ENPP1: variants seen among roughly 807,000 people sequenced by gnomAD.
ENPP1 encodes ectonucleotide pyrophosphatase/phosphodiesterase family member 1.
A neutral mutation model predicts 122.8 loss-of-function variants in ENPP1; 73 were observed. The ratio of observed to expected loss-of-function variants is 0.59; its 90% confidence interval spans 0.49 to 0.72. ENPP1 has a LOEUF of 0.72. ENPP1 is among the 30% of genes least tolerant of loss of function. The probability of loss-of-function intolerance (pLI) is 0.00; values close to 1 mark genes in which losing one functional copy is unlikely to be tolerated. For synonymous variants in ENPP1, 367 were observed against 391.6 expected (o/e 0.94, Z 0.74); for missense variants, 978 against 1,128.1 (o/e 0.87, Z 1.91).
chr6:131,808,146 C>G lies in ENPP1; in HGVS notation c.111C>G (p.Ala37=), dbSNP rs1229874710. The change falls in exon 1 of 25, where the codon GCC becomes GCG. Residue 37 remains alanine, a synonymous_variant. Transcript: ENST00000647893. ...NGRDRGRSHA[A]EAPGDPQAAA... ...GCGATCGGGGCCGCAGCCACGCTGC[C>G]GAGGCGCCCGGGGACCCGCAGGCGG... The G allele has an allele frequency of 2.8e-6, 4 of 1,437,326 alleles. No homozygotes were observed. Among genetic ancestry groups the G allele is most frequent in the African/African-American group, 1.5e-5 (1 of 67,274 alleles). 89.0% of individuals were successfully genotyped at this position (1,437,326 alleles called of 1,614,324 possible). A position where few individuals can be genotyped will look rare whatever the true frequency, so the allele number is the denominator to read the frequency against.
chr6:131,855,780 A>C (rs541921799), intron 6 of ENPP1, among the ~76,000 whole-genome samples: 2 of 150,380 alleles, frequency 1.3e-5, no homozygotes, highest in East Asian at 3.9e-4. Context: ...TTAAATCCCA[A>C]TCAGGCCTTA....
intron 24 of ENPP1, among the ~76,000 whole-genome samples, chr6:131,886,979 G>A (rs1055653093): frequency 2.2e-5 from 3 of 138,716 alleles, no homozygotes; most frequent in Non-Finnish European, 4.6e-5. Flanking sequence ...GCCCAGGCTG[G>A]TCTTGAACTC....
Position 131,894,213 on chromosome 6 carries a change from C to G in ENPP1, c.*3702C>G, listed in dbSNP as rs566126665. ...TTGTGATCTGCCCGCCTCGGCCTCC[C>G]AAAGTGCTGGGATTACAGGCTCGAG... is the stretch of plus-strand genomic sequence containing the variant. On this transcript the variant is annotated 3_prime_UTR_variant, in exon 25 of 25. Transcript: ENST00000647893. 6.6e-6 allele frequency: 1 copy of G among 152,384 alleles called. No homozygotes were observed. The highest frequency in any genetic ancestry group is 2.4e-5 in the African/African-American group (1 of 41,462). The allele number at this position is 152,384 out of a possible 1,614,324, so 9.4% of individuals were successfully genotyped here.
At chr6:131,847,717 AATAAG>A (rs1390368135) in intron 1 of ENPP1, 54 bp from the exon 2 acceptor site, 1 of 1,230,330 alleles carries the variant, frequency 8.1e-7, no homozygotes, top group Non-Finnish European at 1.2e-6. Context: ...AAAAATAAAA[AATAAG>A]ATAAAATATT....
chr6:131,823,837 C>G (rs1781511630), intron 1 of ENPP1, among the ~76,000 whole-genome samples: 1 of 151,674 alleles, frequency 6.6e-6, no homozygotes, highest in South Asian at 2.1e-4. Context: ...TTGGGCAGGT[C>G]CCTTAACTTC....
At chr6:131,824,026 T>C (rs1258306870) in intron 1 of ENPP1, among the ~76,000 whole-genome samples, 2 of 151,342 alleles carry the variant, frequency 1.3e-5, no homozygotes, top group East Asian at 1.9e-4. Flanking sequence ...TTAACAAATA[T>C]GTAGAGTTTT....
chr6:131,887,997 A>G (rs1782410878), intron 24 of ENPP1, among the ~76,000 whole-genome samples: 1 of 149,182 alleles, frequency 6.7e-6, no homozygotes, highest in Non-Finnish European at 1.5e-5. Context: ...AATAGCTGGG[A>G]TTACAGGCAC....
At chr6:131,846,238 T>C (rs1253428176) in intron 1 of ENPP1, among the ~76,000 whole-genome samples, 3 of 152,112 alleles carry the variant, frequency 2.0e-5, no homozygotes, top group Non-Finnish European at 2.9e-5. Flanking sequence ...ATTCCTCCTG[T>C]CTCTATTATC....
At chr6:131,823,274 A>T (rs115929085) in intron 1 of ENPP1, among the ~76,000 whole-genome samples, 2,339 of 152,160 alleles carry the variant, frequency 0.015, 66 homozygotes, top group African/African-American at 0.054. Flanking sequence ...GGTAGGAGGG[A>T]GCAAATCTGT....
intron 7 of ENPP1, 140 bp downstream of exon 7, chr6:131,858,887 CT>C: frequency 1.4e-6 from 1 of 706,458 alleles, no homozygotes; most frequent in Non-Finnish European, 2.5e-6. Flanking sequence ...AGGTTCTGAT[CT>C]TTGCTCTGCC....
intron 18 of ENPP1, chr6:131,877,866 A>AAAAATATATATATAT (rs1562183349): frequency 3.8e-5 from 2 of 53,020 alleles, no homozygotes; most frequent in African/African-American, 1.9e-4. Context: ...AAAAAAAAAA[A>AAAAATATATATATAT]ATATATATAT....
At chr6:131,832,265 G>C (rs1160825108) in intron 1 of ENPP1, among the ~76,000 whole-genome samples, 1 of 151,966 alleles carries the variant, frequency 6.6e-6, no homozygotes, top group African/African-American at 2.4e-5. Flanking sequence ...CTGCAAATTA[G>C]GAGTGGACTT....
chr6:131,817,376 T>C (rs1167854828), intron 1 of ENPP1, among the ~76,000 whole-genome samples: 2 of 152,182 alleles, frequency 1.3e-5, no homozygotes, highest in East Asian at 1.9e-4. Flanking sequence ...TATTGAGATA[T>C]ATATGTGTCT....
chr6:131,892,844 C>G lies in ENPP1; in HGVS notation c.*2333C>G, dbSNP rs1402652887. ...TTGGTTGGAGTACAGCCTTTTTTAC[C>G]CTTGCTTGGCTACCCTTTTCTGGTC... On this transcript the variant is annotated 3_prime_UTR_variant, in exon 25 of 25. Transcript: ENST00000647893. The G allele has an allele frequency of 6.6e-6, 1 of 152,068 alleles. No individual in the cohort carries two copies. The highest frequency in any genetic ancestry group is 1.5e-5 in the Non-Finnish European group (1 of 68,036). 9.4% of individuals were successfully genotyped at this position (152,068 alleles called of 1,614,324 possible). A position where few individuals can be genotyped will look rare whatever the true frequency, so the allele number is the denominator to read the frequency against.
intron 24 of ENPP1, among the ~76,000 whole-genome samples, chr6:131,887,683 C>T (rs866713561): frequency 3.3e-5 from 5 of 149,582 alleles, no homozygotes; most frequent in Non-Finnish European, 7.4e-5. Context: ...CTCAGCCTCC[C>T]GAGTAGCTGG....
At chr6:131,834,371 G>A (rs957430418) in intron 1 of ENPP1, among the ~76,000 whole-genome samples, 2 of 152,124 alleles carry the variant, frequency 1.3e-5, no homozygotes, top group African/African-American at 4.8e-5. Flanking sequence ...AAATATAAAG[G>A]GCCTGCTGCA....
At position 131,864,529 on chromosome 6, in the gene ENPP1, T is replaced by A. The variant is rs1240840731; in HGVS notation, c.1049T>A (p.Ile350Asn). 1 of 1,610,302 alleles carries A rather than the reference T, an allele frequency of 6.2e-7. No individual in the cohort carries two copies. The change falls in exon 10 of 25, where the codon ATT (isoleucine) becomes AAT (asparagine). Residue 350 changes from isoleucine (I) to asparagine (N), a missense_variant. Physicochemically the swap from Ile to Asn is moderately radical, Grantham distance 149. This residue lies in a region of ENPP1 where 644 missense variants were observed against 781.5 expected (regional missense o/e 0.82). Coordinates refer to ENST00000647893, the MANE Select transcript of ENPP1 (RefSeq NM_006208.3). The part of the protein sequence containing the change: ...YNGSVPFEER[I>N]LAVLQWLQLP... ...AGTTCAGTACCATTTGAAGAAAGGA[T>A]TTTAGCTGTTCTTCAGTGGCTACAG...
intron 1 of ENPP1, among the ~76,000 whole-genome samples, chr6:131,822,446 A>G (rs753859640): frequency 2.0e-5 from 3 of 152,194 alleles, no homozygotes; most frequent in Non-Finnish European, 4.4e-5. Context: ...GAGAGCTTAC[A>G]ATATTTTCCC....
At chr6:131,809,509 T>C (rs539179535) in intron 1 of ENPP1, among the ~76,000 whole-genome samples, 68 of 152,334 alleles carry the variant, frequency 4.5e-4, no homozygotes, top group African/African-American at 1.6e-3. Context: ...AAATTTTGCA[T>C]CTTGTAACAC....
Sources: allele counts gnomAD v4.1 joint callset (sites outside exome capture counted in the v4.1 genomes callset), GRCh38; gene constraint gnomAD v4.1.1; regional missense constraint gnomAD v4.1.1; transcripts MANE v1.5; gene names NCBI Gene and HGNC (gene_info 2026-07-23, HGNC 2026-07-21).